The following ZNF229 variants were observed in gnomAD, a reference collection of about 807,000 sequenced individuals.
ZNF229 encodes zinc finger protein 229.
A neutral mutation model predicts 11.8 loss-of-function variants in ZNF229; 10 were observed. That is an observed-to-expected ratio of 0.85 (90% confidence interval 0.52 to 1.44). ZNF229 has a LOEUF of 1.44. Ranked by LOEUF, ZNF229 falls within the 40% of genes most tolerant of loss-of-function variation. The pLI, the probability that ZNF229 is intolerant of heterozygous loss-of-function variation, is 0.00. For missense variants in ZNF229, 1,045 were observed against 1,015.1 expected, an observed-to-expected ratio of 1.03 and a Z score of -0.40; for synonymous variants, 368 against 374.8, an observed-to-expected ratio of 0.98 and a Z score of 0.21.
Position 44,428,245 on chromosome 19 carries a change from T to G in ZNF229, c.*58A>C. On this transcript the variant is annotated 3_prime_UTR_variant, in exon 6 of 6. Coordinates refer to ENST00000614049, the MANE Select transcript of ZNF229 (RefSeq NM_014518.4). Reference sequence around the variant, plus strand: ...TCACTTTCCTATGGTTTTTCTCCTGTGTTGGCTCTCAGATGGATAGAAAGC... The same window carrying G: ...TCACTTTCCTATGGTTTTTCTCCTGGGTTGGCTCTCAGATGGATAGAAAGC... 2 of 1,522,070 alleles carry G rather than the reference T, an allele frequency of 1.3e-6. No individual in the cohort carries two copies. Among genetic ancestry groups the G allele is most frequent in the Non-Finnish European group, 1.8e-6 (2 of 1,131,164 alleles). The allele number at this position is 1,522,070 out of a possible 1,614,324, so 94.3% of individuals were successfully genotyped here.
At chr19:44,447,994 G>C (rs386809661) in intron 1 of ZNF229, among the ~76,000 whole-genome samples, 70 of 152,318 alleles carry the variant, frequency 4.6e-4, no homozygotes, top group African/African-American at 1.7e-3. Flanking sequence ...CAACTCCTAG[G>C]ACTTGCACAG....
intron 2 of ZNF229, among the ~76,000 whole-genome samples, chr19:44,444,164 A>G (rs1400089871): frequency 6.6e-6 from 1 of 152,128 alleles, no homozygotes; most frequent in East Asian, 1.9e-4. Context: ...AACTCTTACA[A>G]TCTGCTCAGA....
chr19:44,429,580 C>T lies in ZNF229; in HGVS notation c.1201G>A (p.Gly401Arg). Residue 401 changes from glycine to arginine, a missense_variant, in exon 6 of 6, where the codon GGA becomes AGA. Gly to Arg is a moderately radical substitution (Grantham distance 125, BLOSUM62 -2). Coordinates refer to ENST00000614049, the MANE Select transcript of ZNF229 (RefSeq NM_014518.4). The stretch of plus-strand genomic sequence containing the variant: ...TCGCTGCATTTATATGGTTTCTCTC[C>T]AGTGTGGACCCTCTGATGGACAAGC... ...NLLVHQRVHTGEKPYKCSECG... is the reference protein window; with the variant it reads ...NLLVHQRVHTREKPYKCSECG... 3 of 1,614,084 alleles carry T rather than the reference C, an allele frequency of 1.9e-6. No individual in the cohort carries two copies. The South Asian group carries it at 3.3e-5, about 18-fold the overall frequency.
Position 44,443,003 on chromosome 19 carries a change from C to G in ZNF229, c.-156G>C. On this transcript the variant is annotated 5_prime_UTR_variant, in exon 3 of 6. Coordinates refer to ENST00000614049, the MANE Select transcript of ZNF229 (RefSeq NM_014518.4). ...TCCACCTTTACTGTCCAGAGCGCGA[C>G]TGCTTCCCATGGTCAGGGGACCTGT... is the stretch of plus-strand genomic sequence containing the variant. The G allele has an allele frequency of 1.3e-6, 1 of 788,924 alleles. No individual in the cohort carries two copies. The highest frequency in any genetic ancestry group is 2.0e-6 in the Non-Finnish European group (1 of 490,454). The allele number at this position is 788,924 out of a possible 1,614,324, so 48.9% of individuals were successfully genotyped here.
intron 2 of ZNF229, 67 bp downstream of exon 2, chr19:44,447,446 A>G (rs1018907812): frequency 2.6e-5 from 4 of 152,166 alleles, no homozygotes; most frequent in African/African-American, 9.6e-5. Context: ...TGTGATATCA[A>G]TGGGATGAAG....
chr19:44,443,735 T>C (rs1169473898), intron 2 of ZNF229, among the ~76,000 whole-genome samples: 1 of 152,114 alleles, frequency 6.6e-6, no homozygotes, highest in Non-Finnish European at 1.5e-5. Context: ...CATAAAAATA[T>C]CTATGATGTA....
Position 44,428,858 on chromosome 19 carries a change from T to G in ZNF229, c.1923A>C (p.Ser641=). The G allele has an allele frequency of 6.2e-7, 1 of 1,612,084 alleles. No individual in the cohort carries two copies. Residue 641 remains serine, a synonymous_variant, in exon 6 of 6, where the codon TCA becomes TCC. Coordinates refer to ENST00000614049, the MANE Select transcript of ZNF229 (RefSeq NM_014518.4). The part of the protein sequence containing the change: ...AECGKGFSYS[S]GLLIHQRVHT... ...GGACTCTCTGGTGAATGAGAAGCCCTGAGCTGTAACTGAAGCCTTTGCCAC... is the reference window on the plus strand; with the variant it reads ...GGACTCTCTGGTGAATGAGAAGCCCGGAGCTGTAACTGAAGCCTTTGCCAC...
At chr19:44,435,762 A>G (rs1971801934) in intron 4 of ZNF229, among the ~76,000 whole-genome samples, 1 of 152,244 alleles carries the variant, frequency 6.6e-6, no homozygotes, top group African/African-American at 2.4e-5. Flanking sequence ...ATTCTGAGGC[A>G]TAAGTAGAAA....
In ZNF229 at chr19:44,441,837, C is replaced by T. The variant is rs537036790; in HGVS notation, c.93+726G>A. On this transcript the variant is annotated intron_variant, in intron 4 of 5. Transcript: ENST00000614049. ...AGAATAAGGAGAACTTCTAGAAAGGCAGAAATACTCCTGCAGCTGTGTGGA... is the reference window on the plus strand; with the variant it reads ...AGAATAAGGAGAACTTCTAGAAAGGTAGAAATACTCCTGCAGCTGTGTGGA... Among the ~76,000 whole-genome samples the T allele has an allele frequency of 1.8e-4, 28 of 152,306 alleles. No individual in the cohort carries two copies. The East Asian group carries it at 4.6e-3, about 25-fold the overall frequency.
rs1275224059 is a variant in ZNF229 at position 44,428,957 on chromosome 19, A to AC, written c.1823dup (p.Ile610HisfsTer20). On this transcript the variant is annotated frameshift_variant, in exon 6 of 6. Transcript: ENST00000614049. LOFTEE classifies it low-confidence loss of function (END_TRUNC). ...TAAGGAGGTCGGAGCTGTAGATGAA[A>AC]CCCTTCCCACACACGTCACACACGT... is the stretch of plus-strand genomic sequence containing the variant. 1 of 1,585,334 alleles carries AC rather than the reference A, an allele frequency of 6.3e-7. No individual in the cohort carries two copies. Among genetic ancestry groups the AC allele is most frequent in the Non-Finnish European group, 8.6e-7 (1 of 1,168,280 alleles).
At chr19:44,446,114 G>C (rs879655015) in intron 2 of ZNF229, among the ~76,000 whole-genome samples, 1 of 152,278 alleles carries the variant, frequency 6.6e-6, no homozygotes, top group South Asian at 2.1e-4. Flanking sequence ...GAGAAAGAGG[G>C]TGACAGAAAG....
intron 4 of ZNF229, among the ~76,000 whole-genome samples, chr19:44,441,424 A>G (rs1291006860): frequency 2.0e-5 from 3 of 152,246 alleles, no homozygotes; most frequent in African/African-American, 4.8e-5. Context: ...AAAGGTTTAG[A>G]AAATAATGTT....
chr19:44,446,554 C>G (rs1972006277), intron 2 of ZNF229, among the ~76,000 whole-genome samples: 3 of 152,134 alleles, frequency 2.0e-5, no homozygotes, highest in African/African-American at 7.2e-5. Context: ...ACTTCAAAGC[C>G]CAGTACGTGG....
In ZNF229 at chr19:44,428,248, T is replaced by C. The variant is rs1971614896; in HGVS notation, c.*55A>G. 2.6e-6 allele frequency: 4 copies of C among 1,526,694 alleles called. No homozygotes were observed. The highest frequency in any genetic ancestry group is 3.5e-6 in the Non-Finnish European group (4 of 1,134,794). 94.6% of individuals were successfully genotyped at this position (1,526,694 alleles called of 1,614,324 possible). On this transcript the variant is annotated 3_prime_UTR_variant, in exon 6 of 6. Transcript: ENST00000614049. Reference sequence around the variant, plus strand: ...CTTTCCTATGGTTTTTCTCCTGTGTTGGCTCTCAGATGGATAGAAAGCTCT... The same window carrying C: ...CTTTCCTATGGTTTTTCTCCTGTGTCGGCTCTCAGATGGATAGAAAGCTCT...
In ZNF229 at chr19:44,444,556, A is replaced by G. The variant is rs1323580994; in HGVS notation, c.-177-1532T>C. On this transcript the variant is annotated intron_variant, in intron 2 of 5. Transcript: ENST00000614049. ...AGATCTGAAACAAGGCCTCCACCGC[A>G]ATGCCACTTAAACTCAAACTTCAGG... Among the ~76,000 whole-genome samples the G allele has an allele frequency of 4.6e-5, 7 of 152,230 alleles. No individual in the cohort carries two copies. In the East Asian group the frequency reaches 1.3e-3, roughly 29 times the overall value.
chr19:44,428,272 CTGAGTCCCAGA>C lies in ZNF229; in HGVS notation c.*20_*30del, dbSNP rs1236924417. On this transcript the variant is annotated 3_prime_UTR_variant, in exon 6 of 6. Transcript: ENST00000614049. ...TTGGCTCTCAGATGGATAGAAAGCT[CTGAGTCCCAGA>C]TGGAATCCTCTATGTACATCTACTT... is the stretch of plus-strand genomic sequence containing the variant. 1.3e-6 allele frequency: 2 copies of C among 1,559,308 alleles called. No homozygotes were observed. The highest frequency in any genetic ancestry group is 3.7e-5 in the Admixed American group (2 of 54,042).
intron 5 of ZNF229, chr19:44,431,718 GC>G: frequency 1.0e-6 from 1 of 984,308 alleles, no homozygotes; most frequent in Non-Finnish European, 1.2e-6. Flanking sequence ...ACTTCTCACT[GC>G]CCAGCAAGGC....
rs1489862168 is a variant in ZNF229 at position 44,428,309 on chromosome 19, A to G, written c.2472T>C (p.Tyr824=). Residue 824 remains tyrosine (Y), a synonymous_variant, in exon 6 of 6, where the codon TAT becomes TAC. Coordinates refer to ENST00000614049, the MANE Select transcript of ZNF229 (RefSeq NM_014518.4). Reference sequence around the variant, plus strand: ...TGGAATCCTCTATGTACATCTACTTATAAGGGTTCTCGCCTAAATGCACTC... The same window carrying G: ...TGGAATCCTCTATGTACATCTACTTGTAAGGGTTCTCGCCTAAATGCACTC... ...HQRVHLGENP[Y]K 1 of 1,608,236 alleles carries G rather than the reference A, an allele frequency of 6.2e-7. No individual in the cohort carries two copies. The highest frequency in any genetic ancestry group is 8.5e-7 in the Non-Finnish European group (1 of 1,176,142).
intron 2 of ZNF229, among the ~76,000 whole-genome samples, chr19:44,444,833 C>T (rs891199572): frequency 5.9e-5 from 9 of 152,238 alleles, no homozygotes; most frequent in Admixed American, 3.9e-4. Context: ...CAGAGACTTC[C>T]GGTGGGTAAA....
Sources: allele counts gnomAD v4.1 joint callset (sites outside exome capture counted in the v4.1 genomes callset), GRCh38; gene constraint gnomAD v4.1.1; transcripts MANE v1.5; gene names NCBI Gene and HGNC (gene_info 2026-07-23, HGNC 2026-07-21).